Variants in CHLSN observed in about 807,000 individuals in gnomAD.
The protein encoded by CHLSN is protein cholesin.
At chr7:1,031,073 G>C in the CHLSN span, among the ~76,000 whole-genome samples, 1 of 152,166 alleles carries the variant, frequency 6.6e-6, no homozygotes, top group Non-Finnish European at 1.5e-5. Context: ...TGAGACCCTA[G>C]AGCCCCCTCC....
the CHLSN span, among the ~76,000 whole-genome samples, chr7:1,005,813 G>A: frequency 6.6e-6 from 1 of 152,176 alleles, no homozygotes; most frequent in Non-Finnish European, 1.5e-5. Flanking sequence ...CGTCCCGGCT[G>A]GATCCGTGTG....
chr7:1,020,111 C>T, the CHLSN span, among the ~76,000 whole-genome samples: 1,988 of 152,322 alleles, frequency 0.013, 39 homozygotes, highest in African/African-American at 0.044. Flanking sequence ...TGCTGCTCTG[C>T]GGGAACACGG....
chr7:1,023,663 A>G, the CHLSN span, among the ~76,000 whole-genome samples: 1 of 105,936 alleles, frequency 9.4e-6, no homozygotes, highest in Admixed American at 1.0e-4. This position sits in a 1 kb window ranked among gnomAD's most constrained non-coding sequence, Gnocchi z 5.0. Context: ...ACACACACAC[A>G]CACACACACA....
the CHLSN span, among the ~76,000 whole-genome samples, chr7:1,012,314 G>A: frequency 6.6e-6 from 1 of 152,390 alleles, no homozygotes; most frequent in African/African-American, 2.4e-5. Context: ...GGTGGCCAGA[G>A]TGGTGAGGAC....
the CHLSN span, among the ~76,000 whole-genome samples, chr7:1,052,623 G>C: frequency 6.6e-6 from 1 of 152,128 alleles, no homozygotes; most frequent in African/African-American, 2.4e-5. This position sits in a 1 kb window ranked among gnomAD's most constrained non-coding sequence, Gnocchi z 4.2. Context: ...CAAGCTGGTG[G>C]TCTCTCAGTG....
chr7:1,028,590 A>C, the CHLSN span: 1 of 983,710 alleles, frequency 1.0e-6, no homozygotes, highest in Non-Finnish European at 1.2e-6. Flanking sequence ...AACTGCGGGG[A>C]GGGCGCACCC....
chr7:1,133,672 C>T, the CHLSN span, among the ~76,000 whole-genome samples: 8 of 147,642 alleles, frequency 5.4e-5, no homozygotes, highest in East Asian at 6.0e-4. Context: ...GAGAATGGCG[C>T]GAACACGGGA....
the CHLSN span, among the ~76,000 whole-genome samples, chr7:1,106,246 A>T: frequency 6.6e-6 from 1 of 152,104 alleles, no homozygotes; most frequent in Non-Finnish European, 1.5e-5. Context: ...GCCACCACCA[A>T]CTTGCCCAAC....
chr7:1,013,626 A>G, the CHLSN span, among the ~76,000 whole-genome samples: 2 of 152,208 alleles, frequency 1.3e-5, no homozygotes. Context: ...CGACGCTGTC[A>G]GGGCAAGAGT....
chr7:1,080,321 G>A, the CHLSN span, among the ~76,000 whole-genome samples: 4 of 152,258 alleles, frequency 2.6e-5, no homozygotes, highest in African/African-American at 4.8e-5. Context: ...ACGATGGCGG[G>A]ACACAGACCG....
the CHLSN span, among the ~76,000 whole-genome samples, chr7:1,057,173 C>A: frequency 1.3e-5 from 2 of 152,166 alleles, no homozygotes; most frequent in African/African-American, 4.8e-5. Flanking sequence ...GCCCGTCCAA[C>A]CAACTCAGGA....
the CHLSN span, among the ~76,000 whole-genome samples, chr7:999,590 A>C: frequency 6.6e-6 from 1 of 152,362 alleles, no homozygotes; most frequent in South Asian, 2.1e-4. Flanking sequence ...AAAAAAACAA[A>C]AACAACAAAA....
the CHLSN span, among the ~76,000 whole-genome samples, chr7:1,016,934 A>G: frequency 0.13 from 8,168 of 60,642 alleles, 583 homozygotes; most frequent in Admixed American, 0.18. Context: ...ACACAGCAGC[A>G]CACGCCAGCA....
chr7:1,132,900 A>G, the CHLSN span, among the ~76,000 whole-genome samples: 314 of 152,286 alleles, frequency 2.1e-3, no homozygotes, highest in African/African-American at 7.2e-3. Context: ...CAACAGGCAC[A>G]TGAAACACAG....
At chr7:1,123,380 C>T in the CHLSN span, among the ~76,000 whole-genome samples, 3 of 152,206 alleles carry the variant, frequency 2.0e-5, no homozygotes, top group Admixed American at 6.5e-5. This position sits in a 1 kb window ranked among gnomAD's most constrained non-coding sequence, Gnocchi z 4.4. Flanking sequence ...CCCAGACGGA[C>T]GTTGCTGGGA....
the CHLSN span, among the ~76,000 whole-genome samples, chr7:1,016,419 ACGC>A: frequency 5.7e-5 from 3 of 52,988 alleles, no homozygotes; most frequent in African/African-American, 3.1e-4. Flanking sequence ...ACAGCAGCGC[ACGC>A]CAGCACACAG....
At chr7:1,037,009 G>A in the CHLSN span, among the ~76,000 whole-genome samples, 6 of 147,268 alleles carry the variant, frequency 4.1e-5, no homozygotes, top group Admixed American at 3.4e-4. Context: ...TATTCTGGAG[G>A]CTGAGGTGAA....
the CHLSN span, among the ~76,000 whole-genome samples, chr7:1,023,445 C>T: frequency 1.3e-5 from 2 of 151,996 alleles, no homozygotes; most frequent in South Asian, 2.1e-4. The surrounding 1 kb of genome is among the most constrained non-coding windows in gnomAD (Gnocchi z 5.0). Context: ...CCCCAGCGCC[C>T]CTCTGACAGC....
At chr7:1,123,106 G>A in the CHLSN span, among the ~76,000 whole-genome samples, 2 of 152,190 alleles carry the variant, frequency 1.3e-5, no homozygotes, top group Admixed American at 6.5e-5. This position sits in a 1 kb window ranked among gnomAD's most constrained non-coding sequence, Gnocchi z 4.4. Flanking sequence ...GCCCAGGACC[G>A]AGGAACGGCC....
Sources: allele counts gnomAD v4.1 joint callset (sites outside exome capture counted in the v4.1 genomes callset), GRCh38; gene constraint gnomAD v4.1.1; non-coding constraint Gnocchi (gnomAD v3.1); transcripts MANE v1.5; gene names NCBI Gene and HGNC (gene_info 2026-07-23, HGNC 2026-07-21).